Variants in SEMA6A observed in about 807,000 individuals in gnomAD.
SEMA6A encodes semaphorin 6A, also known as semaphorin-6A.
A neutral mutation model predicts 96.8 loss-of-function variants in SEMA6A; 25 were observed. The observed-to-expected ratio is 0.26, with a 90% CI of 0.19 to 0.36. The LOEUF (loss-of-function observed/expected upper bound fraction) is 0.36. Among genes scored for constraint, SEMA6A ranks in the 10% least tolerant of loss-of-function variants. The pLI is 1.00. For missense variants in SEMA6A, 1,363 were observed against 1,323.1 expected (o/e 1.03, Z -0.47); for synonymous variants, 612 against 518.0 (o/e 1.18, Z -2.46).
At chr5:116,488,760 A>C (rs1276332439) in intron 8 of SEMA6A, 128 bp downstream of exon 8, 1 of 1,174,006 alleles carries the variant, frequency 8.5e-7, no homozygotes, top group African/African-American at 1.6e-5. Flanking sequence ...GATGCAATTT[A>C]CATGTTTCTG....
chr5:116,490,051 T>C (rs2112727548), intron 7 of SEMA6A, among the ~76,000 whole-genome samples: 1 of 152,360 alleles, frequency 6.6e-6, no homozygotes, highest in Admixed American at 6.5e-5. Context: ...TTTATTGTTT[T>C]GTTTGTTTTA....
chr5:116,527,262 A>G (rs1300416010), intron 1 of SEMA6A, among the ~76,000 whole-genome samples: 1 of 152,160 alleles, frequency 6.6e-6, no homozygotes, highest in East Asian at 1.9e-4. Context: ...CTAAAAAAAA[A>G]GAAGCAATTG....
intron 1 of SEMA6A, among the ~76,000 whole-genome samples, chr5:116,572,040 C>G (rs1186519210): frequency 6.6e-6 from 1 of 152,110 alleles, no homozygotes; most frequent in African/African-American, 2.4e-5. Context: ...GGAAGGACGA[C>G]GAACAATTTC....
At chr5:116,451,787 ATAG>A (rs1452013526) in intron 18 of SEMA6A, among the ~76,000 whole-genome samples, 3 of 152,228 alleles carry the variant, frequency 2.0e-5, no homozygotes, top group Non-Finnish European at 4.4e-5. Context: ...AAGAATTTTA[ATAG>A]TAGCATCTAT....
chr5:116,478,980 A>AT (rs1756616898), intron 12 of SEMA6A, among the ~76,000 whole-genome samples: 1 of 151,678 alleles, frequency 6.6e-6, no homozygotes, highest in Non-Finnish European at 1.5e-5. Flanking sequence ...GCCAAGTACT[A>AT]TAATAGCCAA....
At chr5:116,457,252 A>G (rs996747654) in intron 18 of SEMA6A, among the ~76,000 whole-genome samples, 2 of 152,220 alleles carry the variant, frequency 1.3e-5, no homozygotes, top group Admixed American at 6.5e-5. Flanking sequence ...AGTGCTATCT[A>G]TTATTTATGA....
intron 1 of SEMA6A, among the ~76,000 whole-genome samples, chr5:116,508,530 C>T (rs1327688772): frequency 2.6e-5 from 4 of 152,192 alleles, no homozygotes; most frequent in African/African-American, 7.2e-5. Flanking sequence ...ATCCTCTGCC[C>T]AACTATTCCT....
At chr5:116,467,981 C>T (rs573095260) in intron 17 of SEMA6A, 4 of 505,344 alleles carry the variant, frequency 7.9e-6, no homozygotes, top group Admixed American at 6.9e-5. Flanking sequence ...GATCCTATCT[C>T]TCATACTTGC....
Position 116,447,123 on chromosome 5 carries a change from G to A in SEMA6A, c.2583C>T (p.Ser861=). ...GGTTCACCCCATGGTTGGGACTCTT[G>A]CTGCTGAGATGTTCCTTGATGGTCT... ...EYKTIKEHLS[S]KSPNHGVNLV... The change falls in exon 19 of 19, where the codon AGC becomes AGT. Residue 861 remains serine, a synonymous_variant. Transcript: ENST00000343348. 1 of 1,613,986 alleles carries A rather than the reference G, an allele frequency of 6.2e-7. No homozygotes were observed. The highest frequency in any genetic ancestry group is 8.5e-7 in the Non-Finnish European group (1 of 1,179,894).
chr5:116,568,012 A>C (rs1174354752), intron 1 of SEMA6A, among the ~76,000 whole-genome samples: 7 of 152,226 alleles, frequency 4.6e-5, no homozygotes, highest in Non-Finnish European at 1.5e-5. Flanking sequence ...GTTGCTATCC[A>C]TGCTCTAGGT....
Position 116,480,136 on chromosome 5 carries a change from C to T in SEMA6A, c.1236G>A (p.Leu412=), listed in dbSNP as rs188058558. The T allele has an allele frequency of 4.0e-3, 6,504 of 1,613,744 alleles. 29 individuals carry two copies. Among genetic ancestry groups the T allele is most frequent in the Non-Finnish European group, 4.5e-3 (5,262 of 1,179,756 alleles). Residue 412 remains leucine, a synonymous_variant, in exon 12 of 19, where the codon CTG becomes CTA. Coordinates refer to ENST00000343348, the MANE Select transcript of SEMA6A (RefSeq NM_020796.5). ...TTGACACCCACCTGACCATTGTTCT[C>T]AGGAACCATGGCCTGTTGAAGATGG... The part of the protein sequence containing the change: ...VPSIFNRPWF[L]RTMVRYRLTK...
At chr5:116,469,977 A>G (rs1012764760) in intron 17 of SEMA6A, among the ~76,000 whole-genome samples, 6 of 152,212 alleles carry the variant, frequency 3.9e-5, no homozygotes, top group African/African-American at 1.2e-4. Context: ...AAATCTAGAG[A>G]AACCATGCAT....
chr5:116,459,002 G>A (rs1023221084), intron 18 of SEMA6A, among the ~76,000 whole-genome samples: 23 of 151,536 alleles, frequency 1.5e-4, no homozygotes, highest in Admixed American at 1.2e-3. Flanking sequence ...AAGAAAAGAC[G>A]GAGACTACAT....
intron 15 of SEMA6A, among the ~76,000 whole-genome samples, chr5:116,476,488 A>G (rs574020912): frequency 2.5e-4 from 38 of 152,246 alleles, no homozygotes; most frequent in African/African-American, 8.2e-4. Context: ...TAAAAATCAA[A>G]TCCCTCAAAA....
intron 1 of SEMA6A, chr5:116,562,740 AGG>A (rs1435421464): frequency 5.5e-6 from 4 of 732,914 alleles, no homozygotes; most frequent in Admixed American, 1.7e-5. Context: ...GGTGGGATGA[AGG>A]TGAAGGCAGA....
At chr5:116,550,463 G>T (rs955116917) in intron 1 of SEMA6A, 3 of 152,206 alleles carry the variant, frequency 2.0e-5, no homozygotes, top group African/African-American at 7.2e-5. Flanking sequence ...GGCAGGCTCT[G>T]AGGGCTGGAA....
At chr5:116,453,380 A>T (rs780908713) in intron 18 of SEMA6A, among the ~76,000 whole-genome samples, 32 of 152,174 alleles carry the variant, frequency 2.1e-4, no homozygotes, top group Non-Finnish European at 4.7e-4. Flanking sequence ...CATTCCCTTT[A>T]TTCTAAAATC....
intron 18 of SEMA6A, among the ~76,000 whole-genome samples, chr5:116,467,112 C>A (rs912361947): frequency 6.6e-6 from 1 of 152,150 alleles, no homozygotes; most frequent in African/African-American, 2.4e-5. Flanking sequence ...AAATTCAGCA[C>A]CATGCAACAG....
chr5:116,481,659 T>G (rs1311744172), intron 11 of SEMA6A, among the ~76,000 whole-genome samples: 2 of 152,126 alleles, frequency 1.3e-5, no homozygotes, highest in African/African-American at 4.8e-5. Flanking sequence ...CATGGGTTGT[T>G]TCTATGAAAC....
Sources: gnomAD v4.1 joint callset for allele counts (sites outside exome capture counted in the v4.1 genomes callset) on GRCh38, gnomAD v4.1.1 for gene constraint, MANE v1.5 for transcripts, NCBI Gene and HGNC (gene_info 2026-07-23, HGNC 2026-07-21) for gene names.